Variants in TMEM117 observed in about 807,000 individuals in gnomAD.
TMEM117 encodes the protein transmembrane protein 117.
In TMEM117, 27 loss-of-function variants were observed where a neutral mutation model predicts 52.4. The ratio of observed to expected loss-of-function variants is 0.51; its 90% CI spans 0.38 to 0.71. TMEM117 has a LOEUF of 0.71. Among genes scored for constraint, TMEM117 ranks in the 30% least tolerant of loss-of-function variants. TMEM117 has a pLI of 0.00. For synonymous variants in TMEM117, 215 were observed against 206.3 expected, an observed-to-expected ratio of 1.04 and a Z score of -0.36; for missense variants, 556 against 630.5, an observed-to-expected ratio of 0.88 and a Z score of 1.26.
At chr12:44,360,633 CAT>C (rs1951709129) in intron 6 of TMEM117, among the ~76,000 whole-genome samples, 1 of 150,002 alleles carries the variant, frequency 6.7e-6, no homozygotes, top group Non-Finnish European at 1.5e-5. Flanking sequence ...ACATTAAAAA[CAT>C]ATTGATGTGT....
intron 2 of TMEM117, among the ~76,000 whole-genome samples, chr12:43,940,777 C>T (rs2137606322): frequency 6.6e-6 from 1 of 152,284 alleles, no homozygotes; most frequent in African/African-American, 2.4e-5. Context: ...CTCCTGACCT[C>T]AGGTGATCCG....
intron 3 of TMEM117, among the ~76,000 whole-genome samples, chr12:44,017,233 C>CTGTGTGTG (rs143648069): frequency 5.4e-4 from 79 of 147,316 alleles, no homozygotes; most frequent in African/African-American, 1.9e-3. Flanking sequence ...ATGAAGCCTT[C>CTGTGTGTG]TGTGTGTGTG....
intron 4 of TMEM117, among the ~76,000 whole-genome samples, chr12:44,192,979 T>C (rs1223833435): frequency 6.6e-6 from 1 of 152,216 alleles, no homozygotes; most frequent in Non-Finnish European, 1.5e-5. Flanking sequence ...AAAGGTAGAA[T>C]TGAGGTATGT....
At chr12:44,387,162 C>G (rs1039639647) in intron 7 of TMEM117, among the ~76,000 whole-genome samples, 2 of 151,346 alleles carry the variant, frequency 1.3e-5, no homozygotes, top group Non-Finnish European at 2.9e-5. Flanking sequence ...TAGTATCACT[C>G]GAAAGTTTTT....
chr12:43,813,913 C>T, the TMEM117 span, among the ~76,000 whole-genome samples: 1 of 152,072 alleles, frequency 6.6e-6, no homozygotes, highest in East Asian at 1.9e-4. Context: ...ATTGTCAGTG[C>T]CCTGATATTT....
chr12:43,847,879 G>C (rs1943237039), intron 2 of TMEM117, among the ~76,000 whole-genome samples: 1 of 152,110 alleles, frequency 6.6e-6, no homozygotes, highest in Admixed American at 6.6e-5. Context: ...GTGTTGGCCG[G>C]CTGAGAAATA....
intron 3 of TMEM117, among the ~76,000 whole-genome samples, chr12:44,132,724 A>G (rs1350101404): frequency 6.6e-5 from 10 of 151,988 alleles, no homozygotes; most frequent in Admixed American, 3.3e-4. Context: ...AAATTCCTAC[A>G]TTGTCATTGT....
At chr12:43,798,119 T>C in the TMEM117 span, among the ~76,000 whole-genome samples, 1 of 152,152 alleles carries the variant, frequency 6.6e-6, no homozygotes, top group Non-Finnish European at 1.5e-5. Context: ...CTTTAGAGTG[T>C]CATCAGATTA....
Position 44,120,902 on chromosome 12 carries a change from A to T in TMEM117, c.411-22623A>T, listed in dbSNP as rs567640032. On this transcript the variant is annotated intron_variant, in intron 3 of 7. Coordinates refer to ENST00000266534, the MANE Select transcript of TMEM117 (RefSeq NM_032256.3). ...CATTTCAATTAAAGATTTTATGAAGATGTCTTTATTAGTCCATTTTCATGC... is the reference window on the plus strand; with the variant it reads ...CATTTCAATTAAAGATTTTATGAAGTTGTCTTTATTAGTCCATTTTCATGC... Among the ~76,000 whole-genome samples the T allele has an allele frequency of 5.4e-4, 82 of 152,328 alleles. 3 individuals carry two copies. Among genetic ancestry groups the T allele is most frequent in the Admixed American group, 3.7e-3 (57 of 15,306 alleles).
At chr12:44,273,659 A>G (rs1419846274) in intron 5 of TMEM117, among the ~76,000 whole-genome samples, 3 of 152,168 alleles carry the variant, frequency 2.0e-5, no homozygotes, top group African/African-American at 7.2e-5. Flanking sequence ...AGGATGGTTC[A>G]ACATATGCAA....
chr12:43,810,899 T>G, the TMEM117 span, among the ~76,000 whole-genome samples: 1 of 152,242 alleles, frequency 6.6e-6, no homozygotes, highest in African/African-American at 2.4e-5. Context: ...TTTAGGGGTG[T>G]GCCAATGAAG....
At chr12:44,051,820 A>G (rs751894143) in intron 3 of TMEM117, among the ~76,000 whole-genome samples, 2 of 152,230 alleles carry the variant, frequency 1.3e-5, no homozygotes, top group Non-Finnish European at 2.9e-5. Context: ...GAACTTAAGT[A>G]TATAATAACA....
At position 44,197,170 on chromosome 12, in the gene TMEM117, A is replaced by C. The variant is rs566344344; in HGVS notation, c.511-14120A>C. On this transcript the variant is annotated intron_variant, in intron 4 of 7. Transcript: ENST00000266534. ...AACTGGAATGCTGAGGATCTTTAAGATGAGATTTATTTTCCCTTTGAGAAA... is the reference window on the plus strand; with the variant it reads ...AACTGGAATGCTGAGGATCTTTAAGCTGAGATTTATTTTCCCTTTGAGAAA... Among the ~76,000 whole-genome samples the C allele has an allele frequency of 2.6e-5, 4 of 152,300 alleles. No individual in the cohort carries two copies. The East Asian group carries it at 7.7e-4, about 29-fold the overall frequency.
chr12:43,826,652 A>G, the TMEM117 span, among the ~76,000 whole-genome samples: 1 of 152,360 alleles, frequency 6.6e-6, no homozygotes, highest in East Asian at 1.9e-4. Flanking sequence ...AAGGAAATTC[A>G]GAGATTGTGT....
At chr12:44,044,324 A>G (rs1000299667) in intron 3 of TMEM117, among the ~76,000 whole-genome samples, 1 of 152,192 alleles carries the variant, frequency 6.6e-6, no homozygotes, top group Non-Finnish European at 1.5e-5. Flanking sequence ...TCTTCTGCAG[A>G]TAACTGCTCT....
chr12:44,354,249 T>C (rs1272974373), intron 6 of TMEM117, among the ~76,000 whole-genome samples: 1 of 152,130 alleles, frequency 6.6e-6, no homozygotes. Flanking sequence ...CAGGGACAAT[T>C]TGACTTCCTC....
intron 3 of TMEM117, among the ~76,000 whole-genome samples, chr12:44,056,559 CTT>C (rs1204836708): frequency 6.6e-6 from 1 of 151,984 alleles, no homozygotes; most frequent in Non-Finnish European, 1.5e-5. Context: ...TAGAATATAG[CTT>C]TGAAAAAAAT....
At chr12:44,051,522 A>T (rs1301943912) in intron 3 of TMEM117, among the ~76,000 whole-genome samples, 2 of 152,202 alleles carry the variant, frequency 1.3e-5, no homozygotes, top group Admixed American at 1.3e-4. Flanking sequence ...TTGTAAGGGA[A>T]ATTGTACATT....
intron 2 of TMEM117, among the ~76,000 whole-genome samples, chr12:43,938,580 T>G (rs1944991829): frequency 6.6e-6 from 1 of 152,094 alleles, no homozygotes; most frequent in Non-Finnish European, 1.5e-5. Context: ...AAATAGAGAT[T>G]AATCAAGTCT....
Sources: gnomAD v4.1 joint callset for allele counts (sites outside exome capture counted in the v4.1 genomes callset) on GRCh38, gnomAD v4.1.1 for gene constraint, MANE v1.5 for transcripts, NCBI Gene and HGNC (gene_info 2026-07-23, HGNC 2026-07-21) for gene names.